GPC6: variants seen among roughly 807,000 people sequenced by gnomAD.
GPC6 encodes the protein glypican 6.
In GPC6, 14 loss-of-function variants were observed where a neutral mutation model predicts 55.2. That is an observed-to-expected ratio of 0.25 (90% confidence interval 0.17 to 0.40). The LOEUF is 0.40. Among genes scored for constraint, GPC6 ranks in the 10% least tolerant of loss-of-function variants. The probability of loss-of-function intolerance (pLI) is 1.00; values close to 1 mark genes in which losing one functional copy is unlikely to be tolerated. For missense variants in GPC6, 641 were observed against 708.5 expected (o/e 0.90, Z 1.08); for synonymous variants, 278 against 259.6 (o/e 1.07, Z -0.68).
rs538832386 is a variant in GPC6, at chr13:94,297,270, G to A, written c.1009-8710G>A. On this transcript the variant is annotated intron_variant, in intron 5 of 8. Transcript: ENST00000377047. ...TGGCATATCCCCAGCACTTATGTTT[G>A]TGACACTCAACAAATATTTGTTGAA... is the stretch of plus-strand genomic sequence containing the variant. Among the ~76,000 whole-genome samples the A allele has an allele frequency of 4.6e-5, 7 of 152,268 alleles. No individual in the cohort carries two copies. In the South Asian group the frequency reaches 1.4e-3, roughly 32 times the overall value.
chr13:94,272,135 G>A (rs1011941869), intron 4 of GPC6, among the ~76,000 whole-genome samples: 2 of 151,974 alleles, frequency 1.3e-5, no homozygotes, highest in African/African-American at 4.8e-5. Context: ...GGAAAAAAGG[G>A]CTCCCATTGC....
At chr13:93,285,024 G>A (rs1421165237) in intron 1 of GPC6, among the ~76,000 whole-genome samples, 1 of 152,202 alleles carries the variant, frequency 6.6e-6, no homozygotes, top group East Asian at 1.9e-4. Context: ...AGTAAGAGCT[G>A]CAGAGGCTCT....
intron 3 of GPC6, among the ~76,000 whole-genome samples, chr13:93,925,857 A>T (rs74109130): frequency 0.033 from 4,953 of 152,226 alleles, 86 homozygotes; most frequent in Middle Eastern, 0.058. Flanking sequence ...GATCTTCTCC[A>T]CATACTGTCT....
chr13:93,729,197 C>A (rs865983061), intron 2 of GPC6, among the ~76,000 whole-genome samples: 1 of 152,066 alleles, frequency 6.6e-6, no homozygotes, highest in Non-Finnish European at 1.5e-5. Context: ...TGTAGCTTAA[C>A]CTACACCCAG....
intron 3 of GPC6, among the ~76,000 whole-genome samples, chr13:93,888,604 TC>T (rs749821992): frequency 1.3e-5 from 2 of 152,186 alleles, no homozygotes; most frequent in Non-Finnish European, 2.9e-5. Context: ...ACCAGAAATC[TC>T]CCCTGAGCCC....
chr13:93,978,001 G>A (rs941485552), intron 3 of GPC6, among the ~76,000 whole-genome samples: 3 of 152,194 alleles, frequency 2.0e-5, no homozygotes, highest in East Asian at 1.9e-4. Flanking sequence ...AGATGACCTT[G>A]ACACAGACAG....
chr13:93,460,932 T>C (rs1878658990), intron 1 of GPC6, among the ~76,000 whole-genome samples: 4 of 152,166 alleles, frequency 2.6e-5, no homozygotes, highest in Admixed American at 2.6e-4. Context: ...AATGTGTATA[T>C]AAACTTATGA....
At chr13:93,571,780 C>T (rs2139475395) in intron 2 of GPC6, among the ~76,000 whole-genome samples, 1 of 152,150 alleles carries the variant, frequency 6.6e-6, no homozygotes, top group African/African-American at 2.4e-5. Flanking sequence ...TAGGTATTTT[C>T]TTCATGTTTT....
intron 1 of GPC6, among the ~76,000 whole-genome samples, chr13:93,516,988 A>G (rs1881226005): frequency 6.6e-6 from 1 of 152,196 alleles, no homozygotes; most frequent in Non-Finnish European, 1.5e-5. Context: ...GTTCTATGCC[A>G]GGCATTATGT....
chr13:93,513,322 A>G (rs1045482469), intron 1 of GPC6, among the ~76,000 whole-genome samples: 1 of 152,180 alleles, frequency 6.6e-6, no homozygotes, highest in Non-Finnish European at 1.5e-5. Flanking sequence ...TGACAGTTAC[A>G]ATTGACCTTT....
intron 2 of GPC6, among the ~76,000 whole-genome samples, chr13:93,556,610 T>G (rs535413352): frequency 6.6e-6 from 1 of 151,884 alleles, no homozygotes; most frequent in East Asian, 1.9e-4. Flanking sequence ...CACTCTGTTG[T>G]GCTATCAAAT....
chr13:93,963,641 T>C (rs1198760867), intron 3 of GPC6, among the ~76,000 whole-genome samples: 1 of 152,226 alleles, frequency 6.6e-6, no homozygotes. Flanking sequence ...TATGTTTGTC[T>C]TTAAATCATC....
chr13:93,324,722 G>A (rs1034552485), intron 1 of GPC6, among the ~76,000 whole-genome samples: 1 of 151,706 alleles, frequency 6.6e-6, no homozygotes, highest in East Asian at 1.9e-4. Flanking sequence ...AGAGGATTAA[G>A]TATTGGAGGA....
At chr13:93,484,288 T>G (rs1341426251) in intron 1 of GPC6, among the ~76,000 whole-genome samples, 1 of 152,160 alleles carries the variant, frequency 6.6e-6, no homozygotes, top group Non-Finnish European at 1.5e-5. Flanking sequence ...TGAAACTGTT[T>G]TTAGTTCTCC....
intron 2 of GPC6, among the ~76,000 whole-genome samples, chr13:93,767,476 A>C (rs1461377722): frequency 2.6e-5 from 4 of 152,174 alleles, no homozygotes; most frequent in Non-Finnish European, 5.9e-5. Flanking sequence ...TATTTTTAGA[A>C]TCCTTATCAG....
At chr13:93,714,835 A>T (rs766953283) in intron 2 of GPC6, among the ~76,000 whole-genome samples, 4 of 151,544 alleles carry the variant, frequency 2.6e-5, no homozygotes, top group Non-Finnish European at 4.4e-5. Context: ...AGGGAGGGTT[A>T]TTCATAAGCT....
rs138536507 is a variant in GPC6, at chr13:93,258,894, G to A, written c.160+31278G>A. 4.5e-3 allele frequency among the ~76,000 whole-genome samples: 684 copies of A among 152,246 alleles called. 4 individuals carry two copies. The highest frequency in any genetic ancestry group is 7.8e-3 in the Non-Finnish European group (531 of 68,002). On this transcript the variant is annotated intron_variant, in intron 1 of 8. Coordinates refer to ENST00000377047, the MANE Select transcript of GPC6 (RefSeq NM_005708.5). Reference sequence around the variant, plus strand: ...GAACCCAGAAGTTTGAGGCTTCAGGGAGCTTTGATTGTACCAGTGCACTCC... The same window carrying A: ...GAACCCAGAAGTTTGAGGCTTCAGGAAGCTTTGATTGTACCAGTGCACTCC...
chr13:94,226,832 T>G (rs143780411), intron 4 of GPC6, among the ~76,000 whole-genome samples: 15 of 152,272 alleles, frequency 9.9e-5, no homozygotes, highest in African/African-American at 3.4e-4. Flanking sequence ...CCTAAAGGGT[T>G]GTACCATCCA....
intron 2 of GPC6, among the ~76,000 whole-genome samples, chr13:93,745,627 T>A (rs1247599921): frequency 6.6e-6 from 1 of 152,170 alleles, no homozygotes; most frequent in Admixed American, 6.6e-5. Flanking sequence ...CAAATTTTGA[T>A]CTTTTCTCTT....
Sources: allele counts gnomAD v4.1 joint callset (sites outside exome capture counted in the v4.1 genomes callset), GRCh38; gene constraint gnomAD v4.1.1; transcripts MANE v1.5; gene names NCBI Gene and HGNC (gene_info 2026-07-23, HGNC 2026-07-21).